MYH7B: variants seen among roughly 807,000 people sequenced by gnomAD.
The protein encoded by MYH7B is myosin heavy chain 7B, also known as myosin-7B.
MYH7B carries 205 observed loss-of-function variants against 234.5 expected under a neutral mutation model. That is an observed-to-expected ratio of 0.87 (90% CI 0.78 to 0.98). The LOEUF is 0.98. Ranked by LOEUF, MYH7B falls within the 50% of genes least tolerant of loss-of-function variation. MYH7B has a pLI of 0.00. For missense variants in MYH7B, 2,652 were observed against 2,633.4 expected (o/e 1.01, Z -0.15); for synonymous variants, 1,193 against 1,105.0 (o/e 1.08, Z -1.58).
chr20:34,998,212 C>G lies in MYH7B; in HGVS notation c.3748-83C>G, dbSNP rs530191157. On this transcript the variant is annotated intron_variant, in intron 32 of 44. Transcript: ENST00000262873. Reference sequence around the variant, plus strand: ...GGGCCCACATCTAGCTTACCAGTCTCTGATCCCAGATCCTGCCATCTGATG... The same window carrying G: ...GGGCCCACATCTAGCTTACCAGTCTGTGATCCCAGATCCTGCCATCTGATG... 4 of 1,528,984 alleles carry G rather than the reference C, an allele frequency of 2.6e-6. No homozygotes were observed. In the Admixed American group the frequency reaches 7.0e-5, roughly 27 times the overall value. 94.7% of individuals were successfully genotyped at this position (1,528,984 alleles called of 1,614,324 possible). A position where few individuals can be genotyped will look rare whatever the true frequency, so the allele number is the denominator to read the frequency against.
chr20:34,988,462 G>T (rs571006051), intron 19 of MYH7B, among the ~76,000 whole-genome samples, 200 bp downstream of exon 19: 1 of 152,290 alleles, frequency 6.6e-6, no homozygotes, highest in South Asian at 2.1e-4. Flanking sequence ...GTGAGTGGGT[G>T]TGTTGGAGTT....
At position 34,997,341 on chromosome 20, in the gene MYH7B, C is replaced by G. The variant is rs576379801; in HGVS notation, c.3448C>G (p.Leu1150Val). Residue 1150 changes from leucine to valine, a missense_variant, in exon 32 of 45, where the codon CTG becomes GTG. This residue lies in a region of MYH7B where 2,279 missense variants were observed against 2,211.4 expected (regional missense o/e 1.03). Coordinates refer to ENST00000262873, the Ensembl canonical transcript of MYH7B. Reference sequence around the variant, plus strand: ...GCAGCGTGCAGAGGCGGCGCGGGAGCTGGAGGAGCTGAGCGAGCGGCTGGA... The same window carrying G: ...GCAGCGTGCAGAGGCGGCGCGGGAGGTGGAGGAGCTGAGCGAGCGGCTGGA... 1.0e-4 allele frequency: 158 copies of G among 1,542,466 alleles called. No individual in the cohort carries two copies. The highest frequency in any genetic ancestry group is 1.3e-4 in the Non-Finnish European group (149 of 1,146,090).
rs1057043788 is a variant in MYH7B at position 34,959,227 on chromosome 20, C to G, written c.-222+1015C>G. On this transcript the variant is annotated intron_variant, in intron 2 of 44. Coordinates refer to ENST00000262873, the Ensembl canonical transcript of MYH7B. ...CCTTCTCAGGCTCACTTGGGGATCT[C>G]AGATCAAGACACATAGGATTGGGGA... Among the ~76,000 whole-genome samples, 6 of 152,314 alleles carry G rather than the reference C, an allele frequency of 3.9e-5. No homozygotes were observed. The East Asian group carries it at 7.7e-4, about 20-fold the overall frequency.
Position 34,980,805 on chromosome 20 carries a change from C to T in MYH7B, c.499+71C>T, listed in dbSNP as rs561892954. 9.1e-4 allele frequency: 1,438 copies of T among 1,581,278 alleles called. 3 individuals carry two copies. Among genetic ancestry groups the T allele is most frequent in the South Asian group, 2.2e-3 (193 of 88,342 alleles). ...GTCCCGGGAGGCCTCTGTAAGGGAC[C>T]CCCTTCCCCCACTGGCACTGCCCCC... is the stretch of plus-strand genomic sequence containing the variant. On this transcript the variant is annotated intron_variant, in intron 8 of 44. Transcript: ENST00000262873.
intron 24 of MYH7B, among the ~76,000 whole-genome samples, chr20:34,992,480 A>C (rs1251552688): frequency 6.6e-6 from 1 of 152,126 alleles, no homozygotes; most frequent in African/African-American, 2.4e-5. Flanking sequence ...CCTTTAAAAA[A>C]ATTTTAAAAA....
chr20:35,002,221 T>G, exon 45 of MYH7B: 1 of 1,506,634 alleles, frequency 6.6e-7, no homozygotes, highest in Non-Finnish European at 8.8e-7. Flanking sequence ...AAGAGGAATG[T>G]CTGCTGTTGC....
At chr20:34,981,116 G>A in intron 9 of MYH7B, 56 bp downstream of exon 9, 1 of 1,603,100 alleles carries the variant, frequency 6.2e-7, no homozygotes, top group Non-Finnish European at 8.5e-7. Context: ...GGCAGAAAGA[G>A]GGCGGTACCA....
At chr20:34,998,486 T>C (rs2082305251) in intron 33 of MYH7B, 25 bp from the exon 34 acceptor site, 2 of 1,612,882 alleles carry the variant, frequency 1.2e-6, no homozygotes, top group Non-Finnish European at 1.7e-6. Flanking sequence ...CAGCCTGACC[T>C]GTCCGCTCGC....
Position 34,997,787 on chromosome 20 carries a change from G to A in MYH7B, c.3747+147G>A. ...CCTGGTACACAACCCTCATTTCTCA[G>A]CCTCCTACCAGTCCTGACCTTAAGC... On this transcript the variant is annotated intron_variant, in intron 32 of 44. Coordinates refer to ENST00000262873, the Ensembl canonical transcript of MYH7B. The A allele has an allele frequency of 1.3e-5, 13 of 1,030,600 alleles. No homozygotes were observed. In the South Asian group the frequency reaches 2.0e-4, roughly 16 times the overall value. 63.8% of individuals were successfully genotyped at this position (1,030,600 alleles called of 1,614,324 possible).
chr20:34,996,458 CCG>C lies in MYH7B; in HGVS notation c.3057_3058del (p.Glu1020GlyfsTer45), dbSNP rs1270495705. ...CAACAGGCCCTGGGTGACCTGCAGG[CCG>C]AGGAGGACCGTGTGAGCGCGCTGAC... is the stretch of plus-strand genomic sequence containing the variant. On this transcript the variant is annotated frameshift_variant, in exon 29 of 45. Transcript: ENST00000262873. LOFTEE classifies it high-confidence loss of function. 1.4e-5 allele frequency: 22 copies of C among 1,612,996 alleles called. No individual in the cohort carries two copies. Among genetic ancestry groups the C allele is most frequent in the Non-Finnish European group, 1.8e-5 (21 of 1,179,672 alleles).
chr20:34,990,212 C>A, intron 21 of MYH7B, 22 bp from the exon 22 acceptor site: 1 of 1,614,108 alleles, frequency 6.2e-7, no homozygotes, highest in Non-Finnish European at 8.5e-7. Context: ...CCTGGAGTGA[C>A]CAGGCCCCTT....
At chr20:35,001,431 G>T in exon 43 of MYH7B, 1 of 1,598,676 alleles carries the variant, frequency 6.3e-7, no homozygotes, top group Non-Finnish European at 8.5e-7. Flanking sequence ...GCCCGCCCAG[G>T]CCGAGGAGGA....
intron 20 of MYH7B, 24 bp from the exon 21 acceptor site, chr20:34,989,989 CT>C (rs1189010098): frequency 6.2e-7 from 1 of 1,613,496 alleles, no homozygotes; most frequent in Non-Finnish European, 8.5e-7. Context: ...CCCACCCGGG[CT>C]CAGCACCTGA....
chr20:35,000,529 A>C, exon 39 of MYH7B: 2 of 1,591,010 alleles, frequency 1.3e-6, no homozygotes, highest in Non-Finnish European at 1.7e-6. Flanking sequence ...CTGGCAGCTG[A>C]GCTCCACGAG....
rs754230494 is a variant in MYH7B at position 34,987,288 on chromosome 20, G to A, written c.1147+1G>A. 2.5e-6 allele frequency: 4 copies of A among 1,610,352 alleles called. No homozygotes were observed. The highest frequency in any genetic ancestry group is 2.2e-5 in the East Asian group (1 of 44,870). On this transcript the variant is annotated splice_donor_variant, in intron 16 of 44. Coordinates refer to ENST00000262873, the Ensembl canonical transcript of MYH7B. LOFTEE classifies it high-confidence loss of function. ...CAGGCGGAGGCCGATGGCACTGAGA[G>A]TGAGGGGCCCTAACCTGGCCTTCAA...
rs1278705867 is a variant in MYH7B, at chr20:34,993,483, A to G, written c.2444+13A>G. 1 of 1,579,852 alleles carries G rather than the reference A, an allele frequency of 6.3e-7. No individual in the cohort carries two copies. Among genetic ancestry groups the G allele is most frequent in the Non-Finnish European group, 8.6e-7 (1 of 1,167,850 alleles). On this transcript the variant is annotated intron_variant, in intron 26 of 44. Transcript: ENST00000262873. ...TGCTGGGAGGCAGGTGGGTGTGGGAAGGAGGCTGGGGACAGGGTGTGTCCC... is the reference window on the plus strand; with the variant it reads ...TGCTGGGAGGCAGGTGGGTGTGGGAGGGAGGCTGGGGACAGGGTGTGTCCC...
intron 22 of MYH7B, 44 bp from the exon 23 acceptor site, chr20:34,990,694 C>A: frequency 6.3e-7 from 1 of 1,586,268 alleles, no homozygotes; most frequent in Non-Finnish European, 8.7e-7. Context: ...AATTCTGGTT[C>A]TCTGCCCCCT....
Position 34,996,563 on chromosome 20 carries a change from G to C in MYH7B, c.3120+41G>C, listed in dbSNP as rs754313551. The C allele has an allele frequency of 1.1e-5, 18 of 1,601,268 alleles. No homozygotes were observed. The East Asian group carries it at 3.8e-4, about 34-fold the overall frequency. On this transcript the variant is annotated intron_variant, in intron 29 of 44. Transcript: ENST00000262873. ...CCCGAGACTGGGTGGCGGGGCCGGGGTGCCGGCTGGCTTGGGCCATGGCTG... is the reference window on the plus strand; with the variant it reads ...CCCGAGACTGGGTGGCGGGGCCGGGCTGCCGGCTGGCTTGGGCCATGGCTG...
At chr20:34,977,848 G>A in intron 4 of MYH7B, 86 bp from the exon 5 acceptor site, 2 of 1,566,852 alleles carry the variant, frequency 1.3e-6, no homozygotes, top group Non-Finnish European at 1.7e-6. Flanking sequence ...GCTGCATTGG[G>A]AGCCAGAGGG....
Sources: allele counts gnomAD v4.1 joint callset (sites outside exome capture counted in the v4.1 genomes callset), GRCh38; gene constraint gnomAD v4.1.1; regional missense constraint gnomAD v4.1.1; transcripts MANE v1.5; gene names NCBI Gene and HGNC (gene_info 2026-07-23, HGNC 2026-07-21).